IL4I1: variants seen among roughly 807,000 people sequenced by gnomAD.
IL4I1 encodes the protein L-amino-acid oxidase.
A neutral mutation model predicts 29.7 loss-of-function variants in IL4I1; 24 were observed. The ratio of observed to expected loss-of-function variants is 0.81; its 90% CI spans 0.59 to 1.14. IL4I1 has a LOEUF of 1.14. Among genes scored for constraint, IL4I1 ranks in the 50% most tolerant of loss-of-function variants. The pLI, the probability that IL4I1 is intolerant of heterozygous loss-of-function variation, is 0.00. For missense variants in IL4I1, 686 were observed against 785.6 expected (o/e 0.87, Z 1.52); for synonymous variants, 371 against 352.5 (o/e 1.05, Z -0.59).
chr19:49,910,631 G>T (rs529571425), intron 2 of IL4I1, among the ~76,000 whole-genome samples: 180 of 151,348 alleles, frequency 1.2e-3, no homozygotes, highest in African/African-American at 4.1e-3. Context: ...GTGGAGGATT[G>T]CACCTGGGCC....
At chr19:49,907,383 T>G in intron 2 of IL4I1, 1 of 348,960 alleles carries the variant, frequency 2.9e-6, no homozygotes, top group Non-Finnish European at 5.5e-6. Context: ...ACACCCTGTG[T>G]GTGCAGGCCC....
At chr19:49,914,245 T>G (rs2075560715) in intron 2 of IL4I1, among the ~76,000 whole-genome samples, 1 of 152,162 alleles carries the variant, frequency 6.6e-6, no homozygotes, top group South Asian at 2.1e-4. Context: ...AATTACCACA[T>G]TTGCCAAAGG....
upstream of IL4I1, among the ~76,000 whole-genome samples, chr19:49,899,138 C>T (rs1170008918): frequency 2.0e-5 from 3 of 152,190 alleles, no homozygotes; most frequent in Non-Finnish European, 4.4e-5. Flanking sequence ...GTCGGGTGGG[C>T]CCCAGGTCCC....
chr19:49,928,411 G>A (rs2075962728), intron 1 of IL4I1: 1 of 152,028 alleles, frequency 6.6e-6, no homozygotes, highest in Non-Finnish European at 1.5e-5. Flanking sequence ...CAGCTACTCG[G>A]GAGGCTGAGG....
At position 49,896,164 on chromosome 19, in the gene IL4I1, T is replaced by A. The variant is rs1288147395; in HGVS notation, c.-4A>T. ...CTTACTCACCCAATGGGGCCATGAC[T>A]CTCGGTGGGAGATGGTGTCTGGGGT... On this transcript the variant is annotated 5_prime_UTR_variant, in exon 2 of 8. Transcript: ENST00000391826. 1 of 1,526,632 alleles carries A rather than the reference T, an allele frequency of 6.6e-7. No homozygotes were observed. Among genetic ancestry groups the A allele is most frequent in the South Asian group, 1.3e-5 (1 of 79,520 alleles). 94.6% of individuals were successfully genotyped at this position (1,526,632 alleles called of 1,614,324 possible).
At chr19:49,918,980 T>C (rs1306809508) in intron 2 of IL4I1, among the ~76,000 whole-genome samples, 1 of 147,718 alleles carries the variant, frequency 6.8e-6, no homozygotes, top group African/African-American at 2.5e-5. Context: ...AGAAACCCCA[T>C]CTCTACAAAA....
chr19:49,898,870 AAAAC>A (rs773012323), upstream of IL4I1, among the ~76,000 whole-genome samples: 105 of 152,276 alleles, frequency 6.9e-4, no homozygotes, highest in African/African-American at 2.0e-3. Flanking sequence ...CTCCGTCTCA[AAAAC>A]AAACAAACAA....
chr19:49,912,429 A>G (rs191623077), intron 2 of IL4I1, among the ~76,000 whole-genome samples: 1 of 152,192 alleles, frequency 6.6e-6, no homozygotes, highest in East Asian at 1.9e-4. Flanking sequence ...TCGGCCTCCC[A>G]AAGTGTTGGG....
At chr19:49,920,531 A>G (rs1568717853) in intron 2 of IL4I1, among the ~76,000 whole-genome samples, 1 of 152,178 alleles carries the variant, frequency 6.6e-6, no homozygotes, top group Non-Finnish European at 1.5e-5. Flanking sequence ...CAACCAACCA[A>G]CCGACCAACC....
chr19:49,890,547 G>T lies in IL4I1; in HGVS notation c.827C>A (p.Ser276Ter). The change falls in exon 8 of 8, where the codon TCG becomes TAG. Residue 276 changes from serine (S) to a stop codon, truncating the protein, a stop_gained. Coordinates refer to ENST00000391826, the MANE Select transcript of IL4I1 (RefSeq NM_152899.2). LOFTEE classifies it low-confidence loss of function (END_TRUNC). ...GTTCAACAGCACAAGCCCGGACAGC[G>T]AGCTCAGCAGCGCGCGCGGCAGCAG... ...WDLLPRALLS[S>*]LSGLVLLNAP... 6.2e-7 allele frequency: 1 copy of T among 1,600,008 alleles called. No individual in the cohort carries two copies.
At chr19:49,920,526 A>AACCAACCG (rs1474432390) in intron 2 of IL4I1, among the ~76,000 whole-genome samples, 1 of 152,214 alleles carries the variant, frequency 6.6e-6, no homozygotes, top group East Asian at 1.9e-4. Flanking sequence ...CCACTCAACC[A>AACCAACCG]ACCAACCGAC....
intron 2 of IL4I1, among the ~76,000 whole-genome samples, chr19:49,924,110 G>A (rs968078964): frequency 2.6e-5 from 4 of 151,226 alleles, no homozygotes; most frequent in Non-Finnish European, 5.9e-5. Flanking sequence ...CCTGAGGTGA[G>A]GGTCAGGGCT....
chr19:49,890,701 C>T, intron 7 of IL4I1, 101 bp from the exon 8 acceptor site: 2 of 1,090,116 alleles, frequency 1.8e-6, no homozygotes, highest in South Asian at 1.7e-5. Context: ...TTATGGGCAC[C>T]GGCCCGCTCC....
chr19:49,890,240 G>A lies in IL4I1; in HGVS notation c.1134C>T (p.Arg378=). 6.4e-7 allele frequency: 1 copy of A among 1,562,894 alleles called. No homozygotes were observed. Among genetic ancestry groups the A allele is most frequent in the Non-Finnish European group, 8.7e-7 (1 of 1,153,978 alleles). Residue 378 remains arginine (R), a synonymous_variant, in exon 8 of 8, where the codon CGC becomes CGT. Coordinates refer to ENST00000391826, the MANE Select transcript of IL4I1 (RefSeq NM_152899.2). ...HIEGGHSNTD[R]PSRMIFYPPP... is the part of the protein sequence containing the mutation. ...GCGGGTAGAAAATCATGCGCGACGG[G>A]CGATCGGTGTTTGAGTGGCCGCCTT...
intron 6 of IL4I1, 106 bp downstream of exon 6, chr19:49,891,299 G>A (rs2075135422): frequency 7.0e-7 from 1 of 1,429,438 alleles, no homozygotes; most frequent in Non-Finnish European, 9.8e-7. Context: ...GCAGGAAGGC[G>A]GTGGCAGGAC....
Position 49,921,499 on chromosome 19 carries a change from GAC to G in IL4I1, c.-228+6193_-228+6194del, listed in dbSNP as rs780904212. ...GGATGATCCGCCCGCCCCAGCTGCAGACGATGGCCTGAGACGCCTGCAGGGAA... is the reference window on the plus strand; with the variant it reads ...GGATGATCCGCCCGCCCCAGCTGCAGGATGGCCTGAGACGCCTGCAGGGAA... On this transcript the variant is annotated intron_variant, in intron 2 of 9. Transcript: ENST00000341114. This position sits in a 1 kb window ranked among gnomAD's most constrained non-coding sequence, Gnocchi z 5.4. Among the ~76,000 whole-genome samples, 72 of 152,328 alleles carry G rather than the reference GAC, an allele frequency of 4.7e-4. No individual in the cohort carries two copies. The highest frequency in any genetic ancestry group is 1.5e-3 in the Admixed American group (23 of 15,304).
intron 2 of IL4I1, among the ~76,000 whole-genome samples, chr19:49,915,537 T>C (rs995402123): frequency 6.6e-6 from 1 of 152,222 alleles, no homozygotes; most frequent in Admixed American, 6.5e-5. Context: ...TGAAAATACA[T>C]TCGTGTTGCT....
rs1300082594 is a variant in IL4I1 at position 49,889,660 on chromosome 19, C to T, written c.*10G>A. 3 of 1,480,228 alleles carry T rather than the reference C, an allele frequency of 2.0e-6. No homozygotes were observed. Among genetic ancestry groups the T allele is most frequent in the Non-Finnish European group, 2.7e-6 (3 of 1,113,592 alleles). 91.7% of individuals were successfully genotyped at this position (1,480,228 alleles called of 1,614,324 possible). A position where few individuals can be genotyped will look rare whatever the true frequency, so the allele number is the denominator to read the frequency against. ...GGAGGCTGGACCACACGGCTTTTTCCGAAAATACTTTAATGCGAGGTCCTC... is the reference window on the plus strand; with the variant it reads ...GGAGGCTGGACCACACGGCTTTTTCTGAAAATACTTTAATGCGAGGTCCTC... On this transcript the variant is annotated 3_prime_UTR_variant, in exon 8 of 8. Transcript: ENST00000391826.
At chr19:49,915,954 G>A (rs1225175962) in intron 2 of IL4I1, among the ~76,000 whole-genome samples, 5 of 152,244 alleles carry the variant, frequency 3.3e-5, no homozygotes, top group Non-Finnish European at 5.9e-5. Flanking sequence ...CCAGATTTCC[G>A]TTTGTTCCCT....
Sources: allele counts gnomAD v4.1 joint callset (sites outside exome capture counted in the v4.1 genomes callset), GRCh38; gene constraint gnomAD v4.1.1; non-coding constraint Gnocchi (gnomAD v3.1); transcripts MANE v1.5; gene names NCBI Gene and HGNC (gene_info 2026-07-23, HGNC 2026-07-21).